CUBN: variants seen among roughly 807,000 people sequenced by gnomAD.
The protein encoded by CUBN is 460 kDa receptor.
A neutral mutation model predicts 405.3 loss-of-function variants in CUBN; 282 were observed. The observed-to-expected ratio is 0.70, with a 90% CI of 0.63 to 0.77. CUBN has a LOEUF of 0.77. CUBN is among the 30% of genes least tolerant of loss of function. The pLI is 0.00. For synonymous variants in CUBN, 1,684 were observed against 1,617.0 expected (o/e 1.04, Z -0.99); for missense variants, 4,514 against 4,475.2 (o/e 1.01, Z -0.25).
intron 59 of CUBN, among the ~76,000 whole-genome samples, chr10:16,852,641 T>C (rs368331198): frequency 5.0e-4 from 76 of 152,324 alleles, no homozygotes; most frequent in Admixed American, 1.5e-3. Flanking sequence ...CAGACGTTTT[T>C]GGGATTGCTG....
rs375662406 is a variant in CUBN at position 16,841,317 on chromosome 10, C to T, written c.9664-270G>A. ...GTTATGAGAGTCCGCTCACCCACTG[C>T]TACTTTAACCTCTGCACCGACTCAC... On this transcript the variant is annotated intron_variant, in intron 60 of 66. Coordinates refer to ENST00000377833, the MANE Select transcript of CUBN (RefSeq NM_001081.4). Among the ~76,000 whole-genome samples the T allele has an allele frequency of 5.3e-5, 8 of 152,152 alleles. No homozygotes were observed. In the East Asian group the frequency reaches 9.7e-4, roughly 18 times the overall value.
rs1841591448 is a variant in CUBN at position 16,907,599 on chromosome 10, A to T, written c.7614T>A (p.Ser2538=). ...AAATGACTTTCATTGTGTTTCCTGA[A>T]GATTTAATCTCATTGCTTACATTCA... ...SSVNVSNEIK[S]SGNTMKVIFF... The change falls in exon 49 of 67, where the codon TCT becomes TCA. Residue 2538 remains serine (S), a synonymous_variant. Coordinates refer to ENST00000377833, the MANE Select transcript of CUBN (RefSeq NM_001081.4). 6.2e-7 allele frequency: 1 copy of T among 1,613,554 alleles called. No homozygotes were observed. Among genetic ancestry groups the T allele is most frequent in the Admixed American group, 1.7e-5 (1 of 60,014 alleles).
chr10:17,007,233 C>A (rs1297065487), intron 28 of CUBN, among the ~76,000 whole-genome samples: 3 of 151,120 alleles, frequency 2.0e-5, no homozygotes, highest in African/African-American at 7.3e-5. Flanking sequence ...AATTCAGCCG[C>A]TGGACAATGC....
intron 60 of CUBN, among the ~76,000 whole-genome samples, chr10:16,850,444 G>A (rs1385828257): frequency 6.6e-6 from 1 of 152,016 alleles, no homozygotes; most frequent in Non-Finnish European, 1.5e-5. Flanking sequence ...AAATTGAACA[G>A]AAGTTTCTTG....
intron 14 of CUBN, among the ~76,000 whole-genome samples, chr10:17,089,875 A>G (rs951241514): frequency 6.6e-6 from 1 of 152,202 alleles, no homozygotes; most frequent in Non-Finnish European, 1.5e-5. Context: ...TTGTAGTCCC[A>G]GCACTTTGGG....
chr10:16,954,637 G>T, intron 31 of CUBN, 89 bp from the exon 32 acceptor site: 2 of 1,371,864 alleles, frequency 1.5e-6, no homozygotes, highest in East Asian at 2.4e-5. Context: ...CGATATACTA[G>T]TGGATAATCA....
chr10:16,995,170 A>C (rs1833697151), intron 28 of CUBN, among the ~76,000 whole-genome samples: 1 of 152,246 alleles, frequency 6.6e-6, no homozygotes, highest in African/African-American at 2.4e-5. Context: ...AAATAGACAC[A>C]GTGGCTCTTT....
rs1479997421 is a variant in CUBN, at chr10:17,045,040, C to T, written c.3639G>A (p.Glu1213=). ...AATCTAAAGTGCAGTTTGGATGATG[C>T]TCCAAGTGAAAGTCTTTGAATTCCA... ...FELEFKDFHL[E]HHPNCTLDYL... The change falls in exon 25 of 67, where the codon GAG becomes GAA. Residue 1213 remains glutamate, a synonymous_variant. Coordinates refer to ENST00000377833, the MANE Select transcript of CUBN (RefSeq NM_001081.4). The T allele has an allele frequency of 6.2e-6, 10 of 1,613,916 alleles. No individual in the cohort carries two copies. Among genetic ancestry groups the T allele is most frequent in the Non-Finnish European group, 7.6e-6 (9 of 1,179,990 alleles).
intron 31 of CUBN, among the ~76,000 whole-genome samples, chr10:16,981,694 C>T (rs1171349688): frequency 1.3e-5 from 2 of 152,164 alleles, no homozygotes; most frequent in Admixed American, 6.5e-5. Flanking sequence ...TTCTAGGGTT[C>T]GTTCACCCCG....
chr10:16,884,635 G>C (rs1489907821), intron 56 of CUBN, among the ~76,000 whole-genome samples: 1 of 152,186 alleles, frequency 6.6e-6, no homozygotes, highest in East Asian at 1.9e-4. Context: ...TTACTTTGTG[G>C]TAAGCGGAAA....
intron 54 of CUBN, among the ~76,000 whole-genome samples, chr10:16,891,990 C>T (rs540109662): frequency 3.1e-4 from 47 of 152,262 alleles, no homozygotes; most frequent in African/African-American, 1.0e-3. Flanking sequence ...ACATTTTCTT[C>T]ACATGGAATG....
chr10:16,847,325 G>C (rs577323056), intron 60 of CUBN, among the ~76,000 whole-genome samples: 3 of 151,884 alleles, frequency 2.0e-5, no homozygotes, highest in African/African-American at 7.3e-5. Flanking sequence ...GGTGGCGGGC[G>C]CCTGTAGTCC....
intron 17 of CUBN, among the ~76,000 whole-genome samples, chr10:17,073,094 A>T (rs975614156): frequency 6.6e-6 from 1 of 152,176 alleles, no homozygotes; most frequent in Admixed American, 6.5e-5. Context: ...ATAATTTCCA[A>T]ATAATTTTTG....
In CUBN at chr10:16,851,397, G is replaced by A. The variant is rs757569998; in HGVS notation, c.9501C>T (p.Thr3167=). Residue 3167 remains threonine (T), a synonymous_variant, in exon 60 of 67, where the codon ACC becomes ACT. Transcript: ENST00000377833. ...CGGYLTGSNN[T]FASPDSDSNG... is the part of the protein sequence containing the mutation. Reference sequence around the variant, plus strand: ...TCGAATCAGAATCAGGAGAGGCAAAGGTATTATTCGAGCCTGTCAGATAAC... The same window carrying A: ...TCGAATCAGAATCAGGAGAGGCAAAAGTATTATTCGAGCCTGTCAGATAAC... The A allele has an allele frequency of 6.2e-7, 1 of 1,614,082 alleles. No homozygotes were observed. Among genetic ancestry groups the A allele is most frequent in the South Asian group, 1.1e-5 (1 of 91,082 alleles).
At chr10:16,953,129 G>C (rs1363488027) in intron 32 of CUBN, among the ~76,000 whole-genome samples, 1 of 152,194 alleles carries the variant, frequency 6.6e-6, no homozygotes, top group Non-Finnish European at 1.5e-5. Flanking sequence ...CATTCCAATG[G>C]CATGATCAGA....
At chr10:16,883,364 T>C (rs1014996278) in intron 56 of CUBN, among the ~76,000 whole-genome samples, 1 of 152,222 alleles carries the variant, frequency 6.6e-6, no homozygotes, top group South Asian at 2.1e-4. Context: ...TCTGCTCCAG[T>C]GCTCTGCCAG....
intron 33 of CUBN, 149 bp from the exon 34 acceptor site, chr10:16,950,260 T>C (rs1842893678): frequency 6.4e-5 from 42 of 658,268 alleles, no homozygotes; most frequent in South Asian, 6.1e-4. Context: ...ACAGGGTAAT[T>C]GTAGTCGATA....
At chr10:16,962,243 T>C (rs1843246672) in intron 31 of CUBN, among the ~76,000 whole-genome samples, 1 of 152,156 alleles carries the variant, frequency 6.6e-6, no homozygotes, top group Admixed American at 6.5e-5. Flanking sequence ...TGGCATGTAG[T>C]AAGCATGTGA....
chr10:16,849,615 C>A (rs969951740), intron 60 of CUBN, among the ~76,000 whole-genome samples: 4 of 152,186 alleles, frequency 2.6e-5, no homozygotes, highest in African/African-American at 9.7e-5. Context: ...ATTCCCTCCA[C>A]AAATTTTCCT....
Sources: gnomAD v4.1 joint callset for allele counts (sites outside exome capture counted in the v4.1 genomes callset) on GRCh38, gnomAD v4.1.1 for gene constraint, MANE v1.5 for transcripts, NCBI Gene and HGNC (gene_info 2026-07-23, HGNC 2026-07-21) for gene names.